Variants in CDH12 observed in about 807,000 individuals in gnomAD.
CDH12 encodes the protein cadherin-12.
CDH12 carries 41 observed loss-of-function variants against 74.1 expected under a neutral mutation model. The ratio of observed to expected loss-of-function variants is 0.55; its 90% CI spans 0.43 to 0.72. The LOEUF (loss-of-function observed/expected upper bound fraction) is 0.72. Among genes scored for constraint, CDH12 ranks in the 30% least tolerant of loss-of-function variants. The pLI is 0.00. For synonymous variants in CDH12, 399 were observed against 355.0 expected, an observed-to-expected ratio of 1.12 and a Z score of -1.39; for missense variants, 945 against 977.2, an observed-to-expected ratio of 0.97 and a Z score of 0.44.
chr5:22,161,702 G>A (rs1748363812), intron 4 of CDH12, among the ~76,000 whole-genome samples: 1 of 149,834 alleles, frequency 6.7e-6, no homozygotes, highest in Admixed American at 6.7e-5. Flanking sequence ...AAGGAAGGAA[G>A]GAAAGAAGGA....
intron 1 of CDH12, among the ~76,000 whole-genome samples, chr5:22,680,267 T>G (rs1387563060): frequency 6.6e-6 from 1 of 152,138 alleles, no homozygotes; most frequent in Non-Finnish European, 1.5e-5. Flanking sequence ...GAAATGGTCA[T>G]ATTAAATATC....
At chr5:22,719,780 C>G (rs1743781405) in intron 1 of CDH12, among the ~76,000 whole-genome samples, 1 of 152,110 alleles carries the variant, frequency 6.6e-6, no homozygotes. Flanking sequence ...GTGGACTCTA[C>G]ATGGTTTCCA....
At chr5:21,830,319 T>C (rs1420140105) in intron 8 of CDH12, among the ~76,000 whole-genome samples, 1 of 149,714 alleles carries the variant, frequency 6.7e-6, no homozygotes, top group African/African-American at 2.5e-5. Flanking sequence ...CTCAAGCACG[T>C]TGAAAAGAGA....
intron 1 of CDH12, chr5:22,580,613 C>T (rs1389247809): frequency 4.1e-6 from 2 of 484,612 alleles, no homozygotes; most frequent in East Asian, 5.6e-5. Flanking sequence ...TCCTGAAGTA[C>T]ATACCCCACA....
intron 6 of CDH12, among the ~76,000 whole-genome samples, chr5:21,872,661 A>G (rs908824373): frequency 1.3e-5 from 2 of 152,134 alleles, no homozygotes; most frequent in South Asian, 2.1e-4. Flanking sequence ...TTTTGATGCA[A>G]ATGTATTTGG....
At chr5:21,833,085 TATAA>T (rs1749197296) in intron 8 of CDH12, among the ~76,000 whole-genome samples, 1 of 38,034 alleles carries the variant, frequency 2.6e-5, no homozygotes, top group Non-Finnish European at 4.8e-5. Flanking sequence ...TATATTATAT[TATAA>T]ATATATATTA....
chr5:22,657,432 C>G (rs1337980348), intron 1 of CDH12, among the ~76,000 whole-genome samples: 1 of 152,050 alleles, frequency 6.6e-6, no homozygotes, highest in African/African-American at 2.4e-5. Flanking sequence ...TAAAACAAAA[C>G]AAAACAAAAC....
intron 1 of CDH12, among the ~76,000 whole-genome samples, chr5:22,763,539 A>G (rs1350721474): frequency 6.6e-6 from 1 of 152,008 alleles, no homozygotes; most frequent in Non-Finnish European, 1.5e-5. Context: ...GTCTTTGCAC[A>G]TGAGGTTCAC....
intron 1 of CDH12, among the ~76,000 whole-genome samples, chr5:22,848,505 A>C (rs527547037): frequency 1.3e-5 from 2 of 152,288 alleles, no homozygotes; most frequent in South Asian, 4.1e-4. Flanking sequence ...TTGTAATATT[A>C]TTGTTCATAC....
intron 1 of CDH12, among the ~76,000 whole-genome samples, chr5:22,657,505 T>G (rs1244531568): frequency 6.6e-6 from 1 of 152,160 alleles, no homozygotes; most frequent in African/African-American, 2.4e-5. Flanking sequence ...ACAATTTACA[T>G]TACTTACTAC....
intron 8 of CDH12, among the ~76,000 whole-genome samples, chr5:21,819,778 A>T (rs953031543): frequency 6.6e-6 from 1 of 152,086 alleles, no homozygotes; most frequent in East Asian, 1.9e-4. Flanking sequence ...TGTGGCCAGC[A>T]GTGGGAGTGG....
chr5:21,767,464 T>C (rs1240631083), intron 11 of CDH12, among the ~76,000 whole-genome samples: 1 of 151,754 alleles, frequency 6.6e-6, no homozygotes, highest in African/African-American at 2.4e-5. Flanking sequence ...TTCTTAATAT[T>C]GTAATTTTTT....
chr5:22,317,748 A>G (rs1738692468), intron 3 of CDH12, among the ~76,000 whole-genome samples: 1 of 152,210 alleles, frequency 6.6e-6, no homozygotes, highest in South Asian at 2.1e-4. Flanking sequence ...GGCACTAATA[A>G]TAGCATTTAT....
intron 3 of CDH12, among the ~76,000 whole-genome samples, chr5:22,320,612 A>G (rs2150436729): frequency 6.6e-6 from 1 of 152,308 alleles, no homozygotes; most frequent in Middle Eastern, 3.4e-3. Flanking sequence ...ACCAACATTT[A>G]TTTACTGACT....
At chr5:22,512,946 C>T (rs2126674328) in intron 1 of CDH12, among the ~76,000 whole-genome samples, 1 of 152,072 alleles carries the variant, frequency 6.6e-6, no homozygotes, top group African/African-American at 2.4e-5. Flanking sequence ...GCCGGTAACC[C>T]AGGAGGGTTG....
chr5:22,740,284 G>T (rs1394990168), intron 1 of CDH12, among the ~76,000 whole-genome samples: 1 of 151,836 alleles, frequency 6.6e-6, no homozygotes, highest in African/African-American at 2.4e-5. Flanking sequence ...CTTTATAGGG[G>T]ATTTTCTTTG....
At chr5:22,222,515 TC>T (rs1424923860) in intron 3 of CDH12, among the ~76,000 whole-genome samples, 1 of 151,988 alleles carries the variant, frequency 6.6e-6, no homozygotes, top group Non-Finnish European at 1.5e-5. Context: ...GAATTTGTAC[TC>T]TTTTTCACTT....
intron 4 of CDH12, among the ~76,000 whole-genome samples, chr5:22,127,616 C>T (rs975845204): frequency 8.6e-5 from 13 of 152,026 alleles, no homozygotes; most frequent in Non-Finnish European, 1.5e-4. Context: ...TTTTTCTTCC[C>T]CTCAGTAGTT....
chr5:22,785,109 A>G (rs575079582), intron 1 of CDH12, among the ~76,000 whole-genome samples: 35 of 152,256 alleles, frequency 2.3e-4, no homozygotes, highest in Middle Eastern at 6.8e-3. Context: ...TCCTGTGTAC[A>G]TGCACGTGCT....
Sources: gnomAD v4.1 joint callset for allele counts (sites outside exome capture counted in the v4.1 genomes callset) on GRCh38, gnomAD v4.1.1 for gene constraint, MANE v1.5 for transcripts, NCBI Gene and HGNC (gene_info 2026-07-23, HGNC 2026-07-21) for gene names.